Variants in FARS2 observed in about 807,000 individuals in gnomAD.
The protein encoded by FARS2 is phenylalanyl-tRNA synthetase 2, mitochondrial, also known as phenylalanine--tRNA ligase, mitochondrial.
Under a neutral mutation model 46.4 loss-of-function variants are expected in FARS2, and 40 were observed. The ratio of observed to expected loss-of-function variants is 0.86; its 90% CI spans 0.67 to 1.12. FARS2 has a LOEUF of 1.12. Ranked by LOEUF, FARS2 falls within the 50% of genes most tolerant of loss-of-function variation. The probability of loss-of-function intolerance (pLI) is 0.00; values close to 1 mark genes in which losing one functional copy is unlikely to be tolerated. For synonymous variants in FARS2, 234 were observed against 214.9 expected, an observed-to-expected ratio of 1.09 and a Z score of -0.78; for missense variants, 513 against 567.9, an observed-to-expected ratio of 0.90 and a Z score of 0.98.
chr6:5,501,305 G>A (rs1386850781), intron 4 of FARS2, among the ~76,000 whole-genome samples: 4 of 152,176 alleles, frequency 2.6e-5, no homozygotes, highest in East Asian at 1.9e-4. Flanking sequence ...GATATTGCCT[G>A]TAAAGCTCTT....
At chr6:5,416,985 C>T (rs1762276990) in intron 3 of FARS2, among the ~76,000 whole-genome samples, 1 of 152,160 alleles carries the variant, frequency 6.6e-6, no homozygotes, top group Admixed American at 6.5e-5. Context: ...AGTTGATCAG[C>T]TTTTAAAGAT....
chr6:5,768,156 G>A (rs1398817793), intron 6 of FARS2, among the ~76,000 whole-genome samples: 1 of 152,174 alleles, frequency 6.6e-6, no homozygotes, highest in Non-Finnish European at 1.5e-5. Flanking sequence ...TCTAGAAAAT[G>A]AAGCCTTCTC....
intron 6 of FARS2, among the ~76,000 whole-genome samples, chr6:5,642,331 A>T (rs989868837): frequency 3.3e-5 from 5 of 152,220 alleles, no homozygotes; most frequent in African/African-American, 1.2e-4. Flanking sequence ...AGGACAATCC[A>T]TGGGAAGTGC....
intron 5 of FARS2, among the ~76,000 whole-genome samples, chr6:5,612,217 C>T (rs1775227492): frequency 6.6e-6 from 1 of 152,210 alleles, no homozygotes; most frequent in African/African-American, 2.4e-5. Context: ...TCTTCAGATA[C>T]TTTGCCATTT....
chr6:5,371,249 G>A, intron 2 of FARS2: 1 of 868,312 alleles, frequency 1.2e-6, no homozygotes, highest in Non-Finnish European at 1.4e-6. Flanking sequence ...TACTAACTCT[G>A]ACCTAATCTT....
At chr6:5,281,434 A>G (rs1163933241) in intron 1 of FARS2, among the ~76,000 whole-genome samples, 1 of 152,192 alleles carries the variant, frequency 6.6e-6, no homozygotes, top group East Asian at 1.9e-4. Flanking sequence ...GTCATGTTTC[A>G]TGGTGGATTT....
chr6:5,760,715 A>G lies in FARS2; in HGVS notation c.1218-10576A>G, dbSNP rs148447339. On this transcript the variant is annotated intron_variant, in intron 6 of 6. Transcript: ENST00000274680. ...CTCTCAGCTATTTGCGATTCCTTGG[A>G]CTGGTCTGTGCAGGCTCACAATTCT... 3.3e-3 allele frequency among the ~76,000 whole-genome samples: 506 copies of G among 152,200 alleles called. 1 individual carries two copies. The highest frequency in any genetic ancestry group is 0.011 in the African/African-American group (467 of 41,530).
chr6:5,711,087 G>A (rs1159515092), intron 6 of FARS2, among the ~76,000 whole-genome samples: 1 of 152,104 alleles, frequency 6.6e-6, no homozygotes, highest in African/African-American at 2.4e-5. Flanking sequence ...ATCTCATAAT[G>A]CCAGAAAATA....
intron 6 of FARS2, among the ~76,000 whole-genome samples, chr6:5,718,900 T>C (rs906098355): frequency 1.3e-5 from 2 of 152,206 alleles, no homozygotes; most frequent in Non-Finnish European, 2.9e-5. Flanking sequence ...ACTGAATCTT[T>C]GGTTCTTCTG....
intron 4 of FARS2, among the ~76,000 whole-genome samples, chr6:5,537,630 C>T (rs1561694963): frequency 6.6e-6 from 1 of 152,090 alleles, no homozygotes; most frequent in Non-Finnish European, 1.5e-5. Flanking sequence ...GGCTTCCTCT[C>T]GAGTTGGAGA....
intron 4 of FARS2, among the ~76,000 whole-genome samples, chr6:5,514,098 A>ATG (rs1245447125): frequency 6.6e-6 from 1 of 151,570 alleles, no homozygotes; most frequent in African/African-American, 2.4e-5. Flanking sequence ...ACATATATAT[A>ATG]TATATATATA....
At chr6:5,737,460 G>A (rs1451473458) in intron 6 of FARS2, among the ~76,000 whole-genome samples, 2 of 152,228 alleles carry the variant, frequency 1.3e-5, no homozygotes, top group South Asian at 2.1e-4. Flanking sequence ...GAACCCAGGA[G>A]GCGGAAGTTG....
intron 4 of FARS2, among the ~76,000 whole-genome samples, chr6:5,468,813 A>C (rs180699125): frequency 6.6e-6 from 1 of 152,334 alleles, no homozygotes; most frequent in Admixed American, 6.5e-5. Flanking sequence ...AAGAGTAGAA[A>C]GATGATTTCA....
chr6:5,576,634 C>CATATATATATG (rs1554112035), intron 5 of FARS2, among the ~76,000 whole-genome samples: 1 of 145,766 alleles, frequency 6.9e-6, no homozygotes, highest in Admixed American at 6.9e-5. Context: ...CATATATTAA[C>CATATATATATG]ATATATATAT....
chr6:5,457,628 T>C (rs938339665), intron 4 of FARS2, among the ~76,000 whole-genome samples: 1 of 152,202 alleles, frequency 6.6e-6, no homozygotes, highest in Admixed American at 6.5e-5. Context: ...TTTAATCTCC[T>C]AAAGCACCTG....
chr6:5,528,887 A>G (rs1769642812), intron 4 of FARS2, among the ~76,000 whole-genome samples: 1 of 152,232 alleles, frequency 6.6e-6, no homozygotes, highest in African/African-American at 2.4e-5. Flanking sequence ...TGAAATTACC[A>G]TAATAATAAT....
At chr6:5,412,831 A>G (rs1762010636) in intron 3 of FARS2, among the ~76,000 whole-genome samples, 1 of 152,146 alleles carries the variant, frequency 6.6e-6, no homozygotes, top group African/African-American at 2.4e-5. Context: ...CTAGACAGCG[A>G]AGTAGCCAAG....
rs558550181 is a variant in FARS2 at position 5,308,597 on chromosome 6, T to C, written c.-22+46937T>C. ...CAGCAATGTCAAATTGCTACAAAAGTTTCTGTGTACTTACTCTCGCCCTGT... is the reference window on the plus strand; with the variant it reads ...CAGCAATGTCAAATTGCTACAAAAGCTTCTGTGTACTTACTCTCGCCCTGT... On this transcript the variant is annotated intron_variant, in intron 1 of 6. Coordinates refer to ENST00000274680, the MANE Select transcript of FARS2 (RefSeq NM_006567.5). Among the ~76,000 whole-genome samples the C allele has an allele frequency of 2.6e-5, 4 of 152,302 alleles. No individual in the cohort carries two copies. In the South Asian group the frequency reaches 8.3e-4, roughly 32 times the overall value.
intron 4 of FARS2, among the ~76,000 whole-genome samples, chr6:5,526,225 G>A (rs1277488767): frequency 2.0e-5 from 3 of 152,174 alleles, no homozygotes; most frequent in Admixed American, 6.5e-5. Flanking sequence ...GGAGTGAGAT[G>A]CAGTTTGATT....
Sources: gnomAD v4.1 joint callset for allele counts (sites outside exome capture counted in the v4.1 genomes callset) on GRCh38, gnomAD v4.1.1 for gene constraint, MANE v1.5 for transcripts, NCBI Gene and HGNC (gene_info 2026-07-23, HGNC 2026-07-21) for gene names.